Variants in CETP observed in about 807,000 individuals in gnomAD.
CETP encodes cholesteryl ester transfer protein.
Under a neutral mutation model 66.5 loss-of-function variants are expected in CETP, and 56 were observed. The ratio of observed to expected loss-of-function variants is 0.84; its 90% CI spans 0.68 to 1.05. The LOEUF (loss-of-function observed/expected upper bound fraction) is 1.05. CETP is among the 50% of genes least tolerant of loss of function. CETP has a pLI of 0.00. For missense variants in CETP, 612 were observed against 609.6 expected (o/e 1.00, Z -0.04); for synonymous variants, 251 against 245.7 (o/e 1.02, Z -0.20).
Position 56,982,204 on chromosome 16 carries a change from A to G in CETP, c.1288A>G (p.Ile430Val), listed in dbSNP as rs762811493. ...ESVQSFLQSMITAVGIPEVMS... is the reference protein window; with the variant it reads ...ESVQSFLQSMVTAVGIPEVMS... Reference sequence around the variant, plus strand: ...CGTCCAGAGCTTCCTGCAGTCAATGATCACCGCTGTGGGCATCCCTGAGGT... The same window carrying G: ...CGTCCAGAGCTTCCTGCAGTCAATGGTCACCGCTGTGGGCATCCCTGAGGT... The change falls in exon 14 of 16, where the codon ATC (isoleucine) becomes GTC (valine). Residue 430 changes from isoleucine (I) to valine (V), a missense_variant. Physicochemically the swap from Ile to Val is conservative, Grantham distance 29. Transcript: ENST00000200676. 13 of 1,614,128 alleles carry G rather than the reference A, an allele frequency of 8.1e-6. No homozygotes were observed. The Admixed American group carries it at 8.3e-5, about 10-fold the overall frequency.
intron 5 of CETP, among the ~76,000 whole-genome samples, chr16:56,970,427 C>T (rs1320808481): frequency 5.3e-5 from 8 of 152,200 alleles, no homozygotes; most frequent in African/African-American, 1.9e-4. Flanking sequence ...AGAGATAAAA[C>T]TCTAGCCAAG....
rs750401042 is a variant in CETP at position 56,962,039 on chromosome 16, A to G, written c.60A>G (p.Lys20=). Residue 20 remains lysine, a synonymous_variant, in exon 1 of 16, where the codon AAA becomes AAG. Coordinates refer to ENST00000200676, the MANE Select transcript of CETP (RefSeq NM_000078.3). The stretch of plus-strand genomic sequence containing the variant: ...TGGGCAATGCCCATGCCTGCTCCAA[A>G]GGCACCTCGCACGAGGCAGGCATCG... ...ALLGNAHACS[K]GTSHEAGIVC... is the part of the protein sequence containing the mutation. The G allele has an allele frequency of 6.2e-7, 1 of 1,614,124 alleles. No homozygotes were observed. The highest frequency in any genetic ancestry group is 1.1e-5 in the South Asian group (1 of 91,080).
chr16:56,968,561 C>T (rs1160277236), intron 2 of CETP, among the ~76,000 whole-genome samples: 1 of 152,218 alleles, frequency 6.6e-6, no homozygotes, highest in Non-Finnish European at 1.5e-5. Context: ...CACCCTTCTT[C>T]ATATACCATT....
At chr16:56,971,206 C>T (rs1365235831) in intron 6 of CETP, 104 bp downstream of exon 6, 2 of 1,493,536 alleles carry the variant, frequency 1.3e-6, no homozygotes, top group Non-Finnish European at 1.9e-6. Context: ...CCACCTTCTC[C>T]ATGTGGCCAG....
At chr16:56,971,523 T>C in intron 7 of CETP, 142 bp downstream of exon 7, 1 of 823,328 alleles carries the variant, frequency 1.2e-6, no homozygotes, top group Non-Finnish European at 2.1e-6. Flanking sequence ...TGATGATTAG[T>C]TATGAGCATA....
intron 14 of CETP, among the ~76,000 whole-genome samples, chr16:56,982,922 A>C (rs1271292134): frequency 6.6e-6 from 1 of 152,220 alleles, no homozygotes; most frequent in African/African-American, 2.4e-5. Context: ...TGAAGCTAAA[A>C]CTAGGGGATG....
intron 3 of CETP, 33 bp downstream of exon 3, chr16:56,969,553 C>G (rs763469669): frequency 1.2e-6 from 2 of 1,614,240 alleles, no homozygotes; most frequent in Middle Eastern, 1.6e-4. Flanking sequence ...GCCCCATGCC[C>G]TGGCCCTCTC....
At chr16:56,975,178 G>T (rs1380109362) in intron 10 of CETP, 27 bp downstream of exon 10, 2 of 1,610,932 alleles carry the variant, frequency 1.2e-6, no homozygotes, top group African/African-American at 1.3e-5. Flanking sequence ...CCTGTGTGGG[G>T]TTTATCTCAC....
chr16:56,971,948 A>C, intron 7 of CETP, 44 bp from the exon 8 acceptor site: 1 of 1,549,666 alleles, frequency 6.5e-7, no homozygotes, highest in Non-Finnish European at 8.9e-7. Flanking sequence ...ACTCAGGGCA[A>C]TTCCCCCATC....
intron 9 of CETP, 92 bp downstream of exon 9, chr16:56,973,602 A>C (rs2056129426): frequency 2.7e-6 from 4 of 1,455,302 alleles, no homozygotes. Context: ...GGAAACTCGG[A>C]AACTTGGTGG....
intron 10 of CETP, among the ~76,000 whole-genome samples, 187 bp downstream of exon 10, chr16:56,975,338 C>T (rs1272109217): frequency 2.0e-5 from 3 of 152,174 alleles, no homozygotes; most frequent in Non-Finnish European, 4.4e-5. Context: ...GTGCTCACAC[C>T]GACCCTATGA....
In CETP at chr16:56,981,148, C is replaced by A. The variant is rs763774283; in HGVS notation, c.1147-10C>A. 2.0e-5 allele frequency: 33 copies of A among 1,611,210 alleles called. No individual in the cohort carries two copies. Among genetic ancestry groups the A allele is most frequent in the Non-Finnish European group, 2.8e-5 (33 of 1,177,468 alleles). ...CCCTGGCTCACAGCAAATTTGGTTT[C>A]TCTCCCCAGGATATCGTGACTACCG... On this transcript the variant is annotated splice_polypyrimidine_tract_variant and intron_variant, in intron 11 of 15. Transcript: ENST00000200676.
At chr16:56,971,478 T>A in intron 7 of CETP, 97 bp downstream of exon 7, 1 of 1,080,746 alleles carries the variant, frequency 9.3e-7, no homozygotes, top group Non-Finnish European at 1.4e-6. Flanking sequence ...ACTCTTCCTG[T>A]CTAGGTCCCA....
chr16:56,965,850 C>T (rs1368912323), intron 2 of CETP, among the ~76,000 whole-genome samples: 1 of 144,386 alleles, frequency 6.9e-6, no homozygotes, highest in Non-Finnish European at 1.5e-5. Context: ...AGCCCCACCT[C>T]TGACCAAGTC....
At chr16:56,971,138 C>A (rs1567471833) in intron 6 of CETP, 36 bp downstream of exon 6, 1 of 1,600,794 alleles carries the variant, frequency 6.2e-7, no homozygotes. Flanking sequence ...TGGTCCAGGG[C>A]CATGCCCAGG....
chr16:56,971,048 G>A lies in CETP; in HGVS notation c.543G>A (p.Lys181=). ...CTGCCTTCAGGCCTGGGTGGATCAAGCAGCTGTTCACAAATTTCATCTCCT... is the reference window on the plus strand; with the variant it reads ...CTGCCTTCAGGCCTGGGTGGATCAAACAGCTGTTCACAAATTTCATCTCCT... ...LQGEREPGWI[K]QLFTNFISFT... The change falls in exon 6 of 16, where the codon AAG becomes AAA. Residue 181 remains lysine (K), a synonymous_variant. Coordinates refer to ENST00000200676, the MANE Select transcript of CETP (RefSeq NM_000078.3). The A allele has an allele frequency of 6.2e-7, 1 of 1,614,166 alleles. No individual in the cohort carries two copies.
In CETP at chr16:56,962,002, C is replaced by T. The variant is rs991188482; in HGVS notation, c.23C>T (p.Thr8Ile). MLAATVL[T>I]LALLGNAHAC... ...ACCATGCTGGCTGCCACAGTCCTGA[C>T]CCTGGCCCTGCTGGGCAATGCCCAT... The change falls in exon 1 of 16, where the codon ACC becomes ATC. Residue 8 changes from threonine to isoleucine, a missense_variant. Thr to Ile is a moderately conservative substitution (Grantham distance 89). Transcript: ENST00000200676. 8 of 1,613,982 alleles carry T rather than the reference C, an allele frequency of 5.0e-6. No individual in the cohort carries two copies. The Admixed American group carries it at 8.3e-5, about 17-fold the overall frequency.
At chr16:56,972,154 A>C (rs2056116009) in intron 8 of CETP, 71 bp downstream of exon 8, 3 of 1,178,630 alleles carry the variant, frequency 2.5e-6, no homozygotes, top group Non-Finnish European at 1.3e-6. Flanking sequence ...GTGCTCTGAC[A>C]ACCCCGTCCC....
In CETP at chr16:56,969,985, C is replaced by T. The variant is rs755085520; in HGVS notation, c.511C>T (p.Leu171Phe). Residue 171 changes from leucine (L) to phenylalanine (F), a missense_variant, in exon 5 of 16, where the codon CTC becomes TTC. Transcript: ENST00000200676. ...GTCTTTCCATAAGCTGCTCCTGCAT[C>T]TCCAAGGGGAGCGAGAGTAAGTACA... ...YLSFHKLLLH[L>F]QGEREPGWIK... The T allele has an allele frequency of 1.4e-5, 22 of 1,613,846 alleles. No individual in the cohort carries two copies. The highest frequency in any genetic ancestry group is 1.8e-5 in the Non-Finnish European group (21 of 1,179,982).
Sources: gnomAD v4.1 joint callset for allele counts (sites outside exome capture counted in the v4.1 genomes callset) on GRCh38, gnomAD v4.1.1 for gene constraint, MANE v1.5 for transcripts, NCBI Gene and HGNC (gene_info 2026-07-23, HGNC 2026-07-21) for gene names.